Variants in HIVEP2 observed in about 807,000 individuals in gnomAD.
The protein encoded by HIVEP2 is HIVEP zinc finger 2.
A neutral mutation model predicts 180.7 loss-of-function variants in HIVEP2; 14 were observed. The ratio of observed to expected loss-of-function variants is 0.08; its 90% confidence interval spans 0.05 to 0.12. HIVEP2 has a LOEUF of 0.12. Among genes scored for constraint, HIVEP2 ranks in the 10% least tolerant of loss-of-function variants. HIVEP2 has a pLI of 1.00. For missense variants in HIVEP2, 2,579 were observed against 3,008.5 expected (o/e 0.86, Z 3.34); for synonymous variants, 1,184 against 1,136.4 (o/e 1.04, Z -0.84).
At position 142,760,086 on chromosome 6, in the gene HIVEP2, C is replaced by T; in HGVS notation, c.6202G>A (p.Gly2068Arg). The T allele has an allele frequency of 6.2e-7, 1 of 1,614,104 alleles. No individual in the cohort carries two copies. Among genetic ancestry groups the T allele is most frequent in the Non-Finnish European group, 8.5e-7 (1 of 1,180,004 alleles). Reference sequence around the variant, plus strand: ...AAATGTCTCCTGGGAGATAAATCTCCTTTGGGTATCAGATACCTCTTTGGT... The same window carrying T: ...AAATGTCTCCTGGGAGATAAATCTCTTTTGGGTATCAGATACCTCTTTGGT... ...NSPKRYLIPK[G>R]DLSPRRHLSP... The change falls in exon 9 of 10, where the codon GGA becomes AGA. Residue 2068 changes from glycine (G) to arginine (R), a missense_variant. Physicochemically the swap from Gly to Arg is moderately radical, Grantham distance 125. Coordinates refer to ENST00000367603, the MANE Select transcript of HIVEP2 (RefSeq NM_006734.4).
chr6:142,793,675 C>CTTTCTT lies in HIVEP2; in HGVS notation c.-527-10061_-527-10060insAAGAAA, dbSNP rs60365543. On this transcript the variant is annotated intron_variant, in intron 2 of 9. Coordinates refer to ENST00000367603, the MANE Select transcript of HIVEP2 (RefSeq NM_006734.4). ...TTCTTTCTTTTTTCTTTCTTTCTTT[C>CTTTCTT]TCTCTCTCTCTCTCTCTCTCTCTGT... Among the ~76,000 whole-genome samples the CTTTCTT allele has an allele frequency of 4.9e-3, 607 of 122,784 alleles. 12 individuals carry two copies. Among genetic ancestry groups the CTTTCTT allele is most frequent in the Middle Eastern group, 0.015 (4 of 268 alleles). 80.6% of individuals were successfully genotyped at this position (122,784 alleles called of 152,430 possible).
chr6:142,857,824 A>C (rs529969769), intron 1 of HIVEP2, among the ~76,000 whole-genome samples: 2 of 152,176 alleles, frequency 1.3e-5, no homozygotes, highest in Non-Finnish European at 2.9e-5. Flanking sequence ...CCCCTTTGTT[A>C]AGACTTGTGT....
intron 1 of HIVEP2, among the ~76,000 whole-genome samples, chr6:142,890,164 T>G (rs989931281): frequency 6.6e-6 from 1 of 152,140 alleles, no homozygotes; most frequent in Non-Finnish European, 1.5e-5. Context: ...TGCCTATATT[T>G]TTCACTCCCT....
In HIVEP2 at chr6:142,773,400, G is replaced by A. The variant is rs752550288; in HGVS notation, c.1339C>T (p.Arg447Cys). ...ATGCCCTTCCTACCCATTGCGGCAC[G>A]CTCCTGACTTGTGGTTGTAACACTG... ...ALSVTTTSQE[R>C]AAMGRKGIME... The change falls in exon 5 of 10, where the codon CGT becomes TGT. Residue 447 changes from arginine (R) to cysteine (C), a missense_variant. Transcript: ENST00000367603. 2.8e-5 allele frequency: 45 copies of A among 1,614,016 alleles called. No homozygotes were observed. The highest frequency in any genetic ancestry group is 1.0e-4 in the Admixed American group (6 of 60,006).
intron 2 of HIVEP2, among the ~76,000 whole-genome samples, chr6:142,794,487 A>G (rs1398700530): frequency 6.6e-6 from 1 of 152,212 alleles, no homozygotes; most frequent in Non-Finnish European, 1.5e-5. Context: ...TTCCAAGAGA[A>G]GAAGAGCTTT....
intron 2 of HIVEP2, among the ~76,000 whole-genome samples, chr6:142,817,560 G>A (rs1361708454): frequency 6.6e-6 from 1 of 152,144 alleles, no homozygotes; most frequent in Non-Finnish European, 1.5e-5. Flanking sequence ...TTACTAATAA[G>A]TACAAGATCC....
intron 1 of HIVEP2, among the ~76,000 whole-genome samples, chr6:142,860,805 G>C: frequency 6.6e-6 from 1 of 152,178 alleles, no homozygotes; most frequent in East Asian, 1.9e-4. Flanking sequence ...CCGTAGCCCA[G>C]GTACTGGGAC....
intron 1 of HIVEP2, among the ~76,000 whole-genome samples, chr6:142,907,141 A>C (rs975254271): frequency 6.6e-6 from 1 of 152,244 alleles, no homozygotes; most frequent in African/African-American, 2.4e-5. Flanking sequence ...TAAGCTATTA[A>C]TCCATGCCCA....
intron 1 of HIVEP2, among the ~76,000 whole-genome samples, chr6:142,897,622 T>C (rs969529169): frequency 1.3e-5 from 2 of 152,158 alleles, no homozygotes; most frequent in Non-Finnish European, 2.9e-5. Context: ...TGATTCCATA[T>C]ACATAAAGGA....
At position 142,770,397 on chromosome 6, in the gene HIVEP2, A is replaced by T; in HGVS notation, c.4342T>A (p.Leu1448Met). Residue 1448 changes from leucine to methionine, a missense_variant, in exon 5 of 10, where the codon TTG (leucine) becomes ATG (methionine). This residue lies in a region of HIVEP2 where 29 missense variants were observed against 64.7 expected (regional missense o/e 0.45). Coordinates refer to ENST00000367603, the MANE Select transcript of HIVEP2 (RefSeq NM_006734.4). The surrounding 1 kb of genome is among the most constrained non-coding windows in gnomAD (Gnocchi z 4.7). ...TGCTTGGTTTCCATGAAGAGCTCCA[A>T]GCTACTGGCTGGAGAAAGCATTCGC... ...SKRMLSPASS[L>M]ELFMETKQQK... The T allele has an allele frequency of 6.2e-7, 1 of 1,614,120 alleles. No homozygotes were observed. Among genetic ancestry groups the T allele is most frequent in the Non-Finnish European group, 8.5e-7 (1 of 1,180,028 alleles).
At chr6:142,777,603 G>A (rs986216867) in intron 3 of HIVEP2, among the ~76,000 whole-genome samples, 3 of 126,224 alleles carry the variant, frequency 2.4e-5, no homozygotes, top group East Asian at 2.5e-4. Flanking sequence ...AGCCAAGATC[G>A]AGCCATTGCA....
chr6:142,753,208 A>G lies in HIVEP2; in HGVS notation c.7240T>C (p.Cys2414Arg), dbSNP rs1332537443. 6.2e-7 allele frequency: 1 copy of G among 1,614,052 alleles called. No homozygotes were observed. The highest frequency in any genetic ancestry group is 1.1e-5 in the South Asian group (1 of 91,074). ...LAHSTFYSKS[C>R]VDDKQLDFHS... ...AAGTCCAACTGCTTGTCATCCACACAACTCTTGCTGTAAAACGTGGAGTGA... is the reference window on the plus strand; with the variant it reads ...AAGTCCAACTGCTTGTCATCCACACGACTCTTGCTGTAAAACGTGGAGTGA... Residue 2414 changes from cysteine to arginine, a missense_variant, in exon 10 of 10, where the codon TGT (cysteine) becomes CGT (arginine). Cys to Arg is a radical substitution (Grantham distance 180). Around this residue, in one of 11 missense-constraint regions of HIVEP2, gnomAD observed 660 missense variants for 731.7 expected, o/e 0.90. Transcript: ENST00000367603.
chr6:142,839,054 A>T (rs1205222729), intron 1 of HIVEP2, among the ~76,000 whole-genome samples: 4 of 152,136 alleles, frequency 2.6e-5, no homozygotes, highest in African/African-American at 9.7e-5. Context: ...GTTCAAAAGC[A>T]CTAAGTACAA....
chr6:142,757,752 A>C (rs1775114432), intron 9 of HIVEP2, among the ~76,000 whole-genome samples: 1 of 152,220 alleles, frequency 6.6e-6, no homozygotes, highest in African/African-American at 2.4e-5. Flanking sequence ...TGACTACTAA[A>C]ACTCATCTCT....
intron 1 of HIVEP2, among the ~76,000 whole-genome samples, chr6:142,851,662 A>G (rs74566017): frequency 0.017 from 2,620 of 152,326 alleles, 86 homozygotes; most frequent in African/African-American, 0.059. Flanking sequence ...AGTCTGAACC[A>G]TCCCTCTTGA....
At chr6:142,876,454 C>T (rs198680) in intron 1 of HIVEP2, among the ~76,000 whole-genome samples, 96,108 of 151,866 alleles carry the variant, frequency 0.63, 30,860 homozygotes, top group African/African-American at 0.68. Flanking sequence ...CTGATAGCAG[C>T]GTATGAGATC....
intron 1 of HIVEP2, among the ~76,000 whole-genome samples, chr6:142,897,279 T>C (rs1043172424): frequency 6.6e-5 from 10 of 152,236 alleles, no homozygotes; most frequent in Middle Eastern, 3.4e-3. Context: ...CCCTCATGCA[T>C]GTTAGAAGGG....
At chr6:142,903,206 T>C (rs1777175087) in intron 1 of HIVEP2, among the ~76,000 whole-genome samples, 1 of 152,240 alleles carries the variant, frequency 6.6e-6, no homozygotes, top group Non-Finnish European at 1.5e-5. Flanking sequence ...CTTAAACAAT[T>C]ATGTGAAAAT....
chr6:142,893,503 G>A (rs1209718252), intron 1 of HIVEP2, among the ~76,000 whole-genome samples: 2 of 152,214 alleles, frequency 1.3e-5, no homozygotes, highest in African/African-American at 4.8e-5. Flanking sequence ...TGCCAGGCAA[G>A]TGATCTGACT....
Sources: gnomAD v4.1 joint callset for allele counts (sites outside exome capture counted in the v4.1 genomes callset) on GRCh38, gnomAD v4.1.1 for gene constraint, gnomAD v4.1.1 regional missense constraint, Gnocchi (gnomAD v3.1) non-coding constraint, MANE v1.5 for transcripts, NCBI Gene and HGNC (gene_info 2026-07-23, HGNC 2026-07-21) for gene names.